PLEKHB1: variants seen among roughly 807,000 people sequenced by gnomAD.
The protein encoded by PLEKHB1 is pleckstrin homology domain containing B1.
A neutral mutation model predicts 36.2 loss-of-function variants in PLEKHB1; 29 were observed. The observed-to-expected ratio is 0.80, with a 90% CI of 0.60 to 1.09. The LOEUF (loss-of-function observed/expected upper bound fraction) is 1.09. PLEKHB1 is among the 50% of genes least tolerant of loss of function. The pLI is 0.00. For missense variants in PLEKHB1, 330 were observed against 348.2 expected, an observed-to-expected ratio of 0.95 and a Z score of 0.42; for synonymous variants, 138 against 140.0, an observed-to-expected ratio of 0.99 and a Z score of 0.10.
intron 7 of PLEKHB1, 100 bp downstream of exon 7, chr11:73,660,952 T>C: frequency 9.1e-7 from 1 of 1,103,010 alleles, no homozygotes; most frequent in Non-Finnish European, 1.3e-6. Context: ...TTCATCCTTT[T>C]AGCGTGCACG....
At chr11:73,649,723 G>C (rs1298962285) in intron 2 of PLEKHB1, among the ~76,000 whole-genome samples, 1 of 152,188 alleles carries the variant, frequency 6.6e-6, no homozygotes, top group Non-Finnish European at 1.5e-5. Flanking sequence ...CTGAGCAAGA[G>C]CTATCCTGGG....
Position 73,661,360 on chromosome 11 carries a change from GT to G in PLEKHB1, c.596-104del. 1 of 1,303,620 alleles carries G rather than the reference GT, an allele frequency of 7.7e-7. No homozygotes were observed. The highest frequency in any genetic ancestry group is 1.1e-6 in the Non-Finnish European group (1 of 926,536). The allele number at this position is 1,303,620 out of a possible 1,614,324, so 80.8% of individuals were successfully genotyped here. ...CTTTGACTGGGGAGCAGGAGAGTGGGTTCGGCGCCTTACACTGGGTTGGGCT... is the reference window on the plus strand; with the variant it reads ...CTTTGACTGGGGAGCAGGAGAGTGGGTCGGCGCCTTACACTGGGTTGGGCT... On this transcript the variant is annotated intron_variant, in intron 7 of 7. Transcript: ENST00000354190. This position sits in a 1 kb window ranked among gnomAD's most constrained non-coding sequence, Gnocchi z 4.6.
chr11:73,659,462 G>A (rs1945061264), intron 6 of PLEKHB1, among the ~76,000 whole-genome samples: 1 of 152,122 alleles, frequency 6.6e-6, no homozygotes, highest in Non-Finnish European at 1.5e-5. Context: ...GGTAAAATGA[G>A]GGGTTTGGAG....
intron 6 of PLEKHB1, among the ~76,000 whole-genome samples, chr11:73,658,580 G>C (rs1477489691): frequency 2.0e-5 from 3 of 152,154 alleles, no homozygotes; most frequent in Admixed American, 2.0e-4. Flanking sequence ...GTGAAGACAA[G>C]GGCAACAACC....
At chr11:73,655,775 CCTT>C in intron 5 of PLEKHB1, 25 bp from the exon 6 acceptor site, 1 of 1,607,176 alleles carries the variant, frequency 6.2e-7, no homozygotes, top group Non-Finnish European at 8.5e-7. Flanking sequence ...CCTCCCTCCT[CCTT>C]CTTGGGTTTC....
chr11:73,654,732 G>A (rs548146538), intron 5 of PLEKHB1, among the ~76,000 whole-genome samples: 5 of 152,324 alleles, frequency 3.3e-5, no homozygotes, highest in South Asian at 4.1e-4. Context: ...ATATGCATGC[G>A]TCTAAGGGCC....
intron 6 of PLEKHB1, among the ~76,000 whole-genome samples, chr11:73,659,051 C>T (rs1976911): frequency 0.51 from 77,475 of 151,790 alleles, 21,090 homozygotes; most frequent in Non-Finnish European, 0.61. Flanking sequence ...TGGTGAAACC[C>T]TGTCTCTACT....
chr11:73,655,179 AC>A (rs1303901073), intron 5 of PLEKHB1, among the ~76,000 whole-genome samples: 1 of 151,728 alleles, frequency 6.6e-6, no homozygotes, highest in Non-Finnish European at 1.5e-5. Flanking sequence ...GGCTCTGCTG[AC>A]CCTTCTCTCT....
At position 73,661,426 on chromosome 11, in the gene PLEKHB1, T is replaced by C. The variant is rs753096474; in HGVS notation, c.596-40T>C. 2 of 1,610,664 alleles carry C rather than the reference T, an allele frequency of 1.2e-6. No individual in the cohort carries two copies. Among genetic ancestry groups the C allele is most frequent in the South Asian group, 2.2e-5 (2 of 90,972 alleles). ...AGGGTACGAAGATCACTCTACTCCC[T>C]CCTAAGTCGCTGATCCTCATGGGCT... On this transcript the variant is annotated intron_variant, in intron 7 of 7. Transcript: ENST00000354190. The surrounding 1 kb of genome is among the most constrained non-coding windows in gnomAD (Gnocchi z 4.6).
chr11:73,649,801 C>T (rs1036263003), intron 2 of PLEKHB1, among the ~76,000 whole-genome samples: 2 of 152,208 alleles, frequency 1.3e-5, no homozygotes, highest in African/African-American at 4.8e-5. Flanking sequence ...GTTCAGCAAA[C>T]ACTGAGCCAG....
intron 2 of PLEKHB1, among the ~76,000 whole-genome samples, chr11:73,650,135 A>G (rs1354086245): frequency 1.3e-5 from 2 of 152,188 alleles, no homozygotes; most frequent in African/African-American, 4.8e-5. Flanking sequence ...GGATCACTTG[A>G]GCCCAGGAGG....
intron 5 of PLEKHB1, among the ~76,000 whole-genome samples, chr11:73,654,223 C>T (rs114272629): frequency 5.3e-4 from 81 of 152,312 alleles, no homozygotes; most frequent in African/African-American, 1.9e-3. Context: ...GAGCTTGTGA[C>T]TGATGGAAGT....
At position 73,651,884 on chromosome 11, in the gene PLEKHB1, A is replaced by G; in HGVS notation, c.344A>G (p.Asp115Gly). The G allele has an allele frequency of 6.2e-7, 1 of 1,613,168 alleles. No individual in the cohort carries two copies. Among genetic ancestry groups the G allele is most frequent in the Non-Finnish European group, 8.5e-7 (1 of 1,179,774 alleles). Residue 115 changes from aspartate (D) to glycine (G), a missense_variant, in exon 4 of 8, where the codon GAT becomes GGT. Coordinates refer to ENST00000354190, the MANE Select transcript of PLEKHB1 (RefSeq NM_021200.3). ...CACCTCTGTGCGGAGACCAAGGATG[A>G]TGCCCTGTGAGTCACTCCCAGGAGA... ...RLHLCAETKD[D>G]ALAWKTALLE...
At chr11:73,657,186 C>T (rs1945010681) in intron 6 of PLEKHB1, among the ~76,000 whole-genome samples, 1 of 152,116 alleles carries the variant, frequency 6.6e-6, no homozygotes, top group African/African-American at 2.4e-5. Flanking sequence ...TGCAGAATCA[C>T]TAAGCCTAGA....
At chr11:73,659,719 T>C (rs1330647746) in intron 6 of PLEKHB1, among the ~76,000 whole-genome samples, 1 of 152,046 alleles carries the variant, frequency 6.6e-6, no homozygotes, top group African/African-American at 2.4e-5. Context: ...CTTTGAAGGG[T>C]TGGCAGAAAT....
rs1284037238 is a variant in PLEKHB1 at position 73,660,973 on chromosome 11, G to C, written c.595+121G>C. 7.7e-6 allele frequency: 7 copies of C among 913,438 alleles called. No individual in the cohort carries two copies. In the East Asian group the frequency reaches 1.3e-4, roughly 17 times the overall value. 56.6% of individuals were successfully genotyped at this position (913,438 alleles called of 1,614,324 possible). A position where few individuals can be genotyped will look rare whatever the true frequency, so the allele number is the denominator to read the frequency against. On this transcript the variant is annotated intron_variant, in intron 7 of 7. Transcript: ENST00000354190. ...CTTTTAGCGTGCACGGATTTTCCCA[G>C]GCAGAACTCTCCGCAAGCCCCTCTC...
intron 2 of PLEKHB1, among the ~76,000 whole-genome samples, chr11:73,650,150 G>A (rs774283648): frequency 6.6e-6 from 1 of 152,226 alleles, no homozygotes; most frequent in Non-Finnish European, 1.5e-5. Context: ...AGGAGGTTAA[G>A]GCTGCAGTGA....
Position 73,649,000 on chromosome 11 carries a change from C to G in PLEKHB1, c.19-12C>G. ...CTGCTGAGGCCTGTGTCTCCCGTGG[C>G]TCCTCTGACAGGTCCCGCCTGACTC... On this transcript the variant is annotated splice_polypyrimidine_tract_variant and intron_variant, in intron 1 of 7. Transcript: ENST00000354190. 2 of 1,583,956 alleles carry G rather than the reference C, an allele frequency of 1.3e-6. No individual in the cohort carries two copies. The highest frequency in any genetic ancestry group is 1.7e-6 in the Non-Finnish European group (2 of 1,164,998).
intron 1 of PLEKHB1, among the ~76,000 whole-genome samples, chr11:73,647,053 C>G (rs946999173): frequency 6.6e-6 from 1 of 152,176 alleles, no homozygotes; most frequent in African/African-American, 2.4e-5. Flanking sequence ...GATGCCCTCC[C>G]CACCCCTGCG....
Sources: allele counts gnomAD v4.1 joint callset (sites outside exome capture counted in the v4.1 genomes callset), GRCh38; gene constraint gnomAD v4.1.1; non-coding constraint Gnocchi (gnomAD v3.1); transcripts MANE v1.5; gene names NCBI Gene and HGNC (gene_info 2026-07-23, HGNC 2026-07-21).